The following CERK variants were observed in gnomAD, a reference collection of about 807,000 sequenced individuals.
CERK encodes the protein ceramide kinase.
A neutral mutation model predicts 63.4 loss-of-function variants in CERK; 39 were observed. The observed-to-expected ratio is 0.61, with a 90% CI of 0.48 to 0.80. The LOEUF (loss-of-function observed/expected upper bound fraction) is 0.80. Among genes scored for constraint, CERK ranks in the 30% least tolerant of loss-of-function variants. CERK has a pLI of 0.00. For synonymous variants in CERK, 302 were observed against 280.0 expected, an observed-to-expected ratio of 1.08 and a Z score of -0.78; for missense variants, 670 against 714.1, an observed-to-expected ratio of 0.94 and a Z score of 0.70.
chr22:46,718,508 GA>G (rs1435533567), intron 3 of CERK, among the ~76,000 whole-genome samples: 1 of 152,172 alleles, frequency 6.6e-6, no homozygotes, highest in Admixed American at 6.6e-5. Flanking sequence ...CGGTCAGGAT[GA>G]GCTTTTCACG....
intron 1 of CERK, among the ~76,000 whole-genome samples, chr22:46,729,396 A>C (rs1417832155): frequency 6.6e-6 from 1 of 152,128 alleles, no homozygotes; most frequent in Non-Finnish European, 1.5e-5. Context: ...AAATTGTCCA[A>C]ATGACTTTAT....
At chr22:46,700,938 G>A (rs1000968091) in intron 7 of CERK, among the ~76,000 whole-genome samples, 1 of 151,820 alleles carries the variant, frequency 6.6e-6, no homozygotes, top group Admixed American at 6.6e-5. Context: ...TTGAACTTGG[G>A]AGGTGGAAGT....
At chr22:46,726,427 G>A (rs553611940) in intron 1 of CERK, among the ~76,000 whole-genome samples, 2 of 152,292 alleles carry the variant, frequency 1.3e-5, no homozygotes, top group South Asian at 4.1e-4. Context: ...ACACACTGCA[G>A]GGGATGCTGA....
intron 1 of CERK, among the ~76,000 whole-genome samples, chr22:46,723,311 T>C (rs2082901744): frequency 6.6e-6 from 1 of 152,204 alleles, no homozygotes; most frequent in Admixed American, 6.5e-5. Flanking sequence ...ACAGCTTTAT[T>C]GAGGAACGTC....
At chr22:46,702,125 G>A (rs1319140488) in intron 6 of CERK, among the ~76,000 whole-genome samples, 2 of 143,836 alleles carry the variant, frequency 1.4e-5, no homozygotes, top group African/African-American at 2.6e-5. Flanking sequence ...AGGCTGCAGT[G>A]AGTCGAGATC....
rs1176783289 is a variant in CERK at position 46,685,016 on chromosome 22, T to C, written c.*2118A>G. 6.6e-6 allele frequency: 1 copy of C among 152,176 alleles called. No individual in the cohort carries two copies. The highest frequency in any genetic ancestry group is 1.5e-5 in the Non-Finnish European group (1 of 68,036). The allele number at this position is 152,176 out of a possible 1,614,324, so 9.4% of individuals were successfully genotyped here. On this transcript the variant is annotated 3_prime_UTR_variant, in exon 13 of 13. Transcript: ENST00000216264. ...TGCTTCCTCTTTGGCCTGGACTGTT[T>C]TGCTAAAATTGTTAGTGGGTTTTGG... is the stretch of plus-strand genomic sequence containing the variant.
At chr22:46,728,861 G>A (rs973038221) in intron 1 of CERK, among the ~76,000 whole-genome samples, 5 of 152,236 alleles carry the variant, frequency 3.3e-5, no homozygotes, top group Non-Finnish European at 7.3e-5. Flanking sequence ...AAGCCAGGGT[G>A]TGCTGAGGGC....
At chr22:46,703,575 G>T (rs944402851) in intron 6 of CERK, among the ~76,000 whole-genome samples, 2 of 152,142 alleles carry the variant, frequency 1.3e-5, no homozygotes, top group Non-Finnish European at 2.9e-5. Context: ...CCACCCTTGG[G>T]TGTCTCCCTC....
intron 8 of CERK, 43 bp downstream of exon 8, chr22:46,699,270 G>C (rs754847842): frequency 1.2e-6 from 2 of 1,603,500 alleles, no homozygotes; most frequent in African/African-American, 2.7e-5. Flanking sequence ...AAGGCAGTCG[G>C]GGCACGACCA....
intron 1 of CERK, among the ~76,000 whole-genome samples, chr22:46,734,586 C>CA (rs1464145326): frequency 1.3e-5 from 2 of 152,176 alleles, no homozygotes; most frequent in Non-Finnish European, 2.9e-5. Context: ...CAGGTGCACA[C>CA]AATTATCAAA....
chr22:46,698,992 C>G (rs1166929563), intron 8 of CERK, among the ~76,000 whole-genome samples: 1 of 152,140 alleles, frequency 6.6e-6, no homozygotes, highest in Non-Finnish European at 1.5e-5. Context: ...TGTCACCTGC[C>G]TACCAGATGT....
intron 11 of CERK, among the ~76,000 whole-genome samples, chr22:46,691,056 T>TACACAC (rs141210280): frequency 0.051 from 7,444 of 147,250 alleles, 213 homozygotes; most frequent in Middle Eastern, 0.11. Flanking sequence ...TATACATACA[T>TACACAC]ACACACACAC....
At chr22:46,711,650 G>A (rs528964195) in intron 4 of CERK, among the ~76,000 whole-genome samples, 32 of 152,240 alleles carry the variant, frequency 2.1e-4, no homozygotes, top group Admixed American at 1.3e-3. Context: ...GTCCAGAATC[G>A]TTGCCCTTTT....
At chr22:46,692,697 G>A (rs548958633) in intron 10 of CERK, among the ~76,000 whole-genome samples, 1 of 152,036 alleles carries the variant, frequency 6.6e-6, no homozygotes, top group Non-Finnish European at 1.5e-5. Flanking sequence ...CTGAGGTCAG[G>A]AGTTTGAGAC....
At chr22:46,734,126 C>A (rs2082960495) in intron 1 of CERK, among the ~76,000 whole-genome samples, 1 of 151,300 alleles carries the variant, frequency 6.6e-6, no homozygotes, top group Non-Finnish European at 1.5e-5. Flanking sequence ...CTTAAATATG[C>A]ACCCAAGAGG....
chr22:46,731,958 G>A (rs1217983223), intron 1 of CERK, among the ~76,000 whole-genome samples: 2 of 152,196 alleles, frequency 1.3e-5, no homozygotes, highest in Admixed American at 6.5e-5. Flanking sequence ...TTCAGCCGCC[G>A]GGGTGCTCCC....
chr22:46,697,359 G>GCACT (rs2082761574), intron 8 of CERK, among the ~76,000 whole-genome samples: 1 of 151,826 alleles, frequency 6.6e-6, no homozygotes, highest in African/African-American at 2.4e-5. Flanking sequence ...GCAGTGCAGT[G>GCACT]GCCTGATCTC....
At chr22:46,724,998 G>A (rs1410939144) in intron 1 of CERK, among the ~76,000 whole-genome samples, 1 of 151,944 alleles carries the variant, frequency 6.6e-6, no homozygotes, top group Non-Finnish European at 1.5e-5. Flanking sequence ...TCCAGCCTGG[G>A]CGAAAGACAG....
intron 1 of CERK, among the ~76,000 whole-genome samples, chr22:46,737,162 G>C (rs1361979392): frequency 1.3e-5 from 2 of 151,874 alleles, no homozygotes; most frequent in Admixed American, 6.6e-5. Context: ...GCGTAGTAGC[G>C]GGCTCCTGTA....
Sources: gnomAD v4.1 joint callset for allele counts (sites outside exome capture counted in the v4.1 genomes callset) on GRCh38, gnomAD v4.1.1 for gene constraint, MANE v1.5 for transcripts, NCBI Gene and HGNC (gene_info 2026-07-23, HGNC 2026-07-21) for gene names.